Variants in DCC observed in about 807,000 individuals in gnomAD.
DCC encodes DCC netrin 1 receptor.
In DCC, 58 loss-of-function variants were observed where a neutral mutation model predicts 172.5. The observed-to-expected ratio is 0.34, with a 90% CI of 0.27 to 0.42. The LOEUF is 0.42. Ranked by LOEUF, DCC falls within the 10% of genes least tolerant of loss-of-function variation. The probability of loss-of-function intolerance (pLI) is 1.00; values close to 1 mark genes in which losing one functional copy is unlikely to be tolerated. For synonymous variants in DCC, 709 were observed against 644.5 expected (o/e 1.10, Z -1.52); for missense variants, 1,740 against 1,791.0 (o/e 0.97, Z 0.51).
chr18:53,462,940 C>T (rs1298623753), intron 24 of DCC, among the ~76,000 whole-genome samples: 2 of 152,262 alleles, frequency 1.3e-5, no homozygotes, highest in African/African-American at 2.4e-5. Context: ...ACCACTGGCC[C>T]TCTCTCAACC....
intron 5 of DCC, among the ~76,000 whole-genome samples, chr18:53,024,499 C>A (rs1381760460): frequency 6.6e-6 from 1 of 152,116 alleles, no homozygotes; most frequent in Admixed American, 6.6e-5. Context: ...CTGAGGGAAA[C>A]TTCCCATGAG....
chr18:52,970,898 G>A (rs539502704), intron 5 of DCC, among the ~76,000 whole-genome samples: 13 of 152,258 alleles, frequency 8.5e-5, no homozygotes, highest in South Asian at 4.1e-4. Context: ...AGGGCATTTC[G>A]TCTAAGCAGC....
rs60407383 is a variant in DCC, at chr18:52,478,916, C to T, written c.91+138038C>T. On this transcript the variant is annotated intron_variant, in intron 1 of 28. Coordinates refer to ENST00000442544, the MANE Select transcript of DCC (RefSeq NM_005215.4). ...TTTGTGAGGGGACACAGATCCAAAC[C>T]GTATCAGGCACTGTGCTAGATGACA... 5.6e-4 allele frequency among the ~76,000 whole-genome samples: 86 copies of T among 152,232 alleles called. No individual in the cohort carries two copies. The East Asian group carries it at 0.014, about 25-fold the overall frequency.
chr18:53,156,380 A>G (rs1018770373), intron 7 of DCC, among the ~76,000 whole-genome samples: 1 of 151,942 alleles, frequency 6.6e-6, no homozygotes, highest in East Asian at 1.9e-4. Flanking sequence ...GCTACTCGGG[A>G]GCCTGAGGCA....
intron 5 of DCC, among the ~76,000 whole-genome samples, chr18:52,931,459 T>A (rs1437407983): frequency 9.9e-5 from 15 of 152,136 alleles, no homozygotes; most frequent in Admixed American, 9.8e-4. Context: ...TGCAGTCCTT[T>A]CTTGTACTTA....
At chr18:53,125,450 C>G (rs1434720760) in intron 7 of DCC, among the ~76,000 whole-genome samples, 1 of 152,042 alleles carries the variant, frequency 6.6e-6, no homozygotes, top group African/African-American at 2.4e-5. Flanking sequence ...GCATGGTGCT[C>G]TCTCACCACA....
At chr18:52,822,983 G>T (rs939888869) in intron 2 of DCC, among the ~76,000 whole-genome samples, 14 of 152,150 alleles carry the variant, frequency 9.2e-5, no homozygotes, top group African/African-American at 3.1e-4. Context: ...TAAATAGCTA[G>T]AATTTATAAT....
At chr18:52,661,596 G>A (rs1005059885) in intron 1 of DCC, among the ~76,000 whole-genome samples, 2 of 152,226 alleles carry the variant, frequency 1.3e-5, no homozygotes, top group African/African-American at 4.8e-5. Context: ...GGCCCAATAG[G>A]TGCTGACCTT....
chr18:53,025,850 A>C (rs1232488223), intron 5 of DCC, among the ~76,000 whole-genome samples: 1 of 150,284 alleles, frequency 6.7e-6, no homozygotes, highest in African/African-American at 2.4e-5. Context: ...TCCATATCTG[A>C]GGGTATTAAA....
At chr18:52,669,724 T>C (rs997449867) in intron 1 of DCC, among the ~76,000 whole-genome samples, 1 of 152,214 alleles carries the variant, frequency 6.6e-6, no homozygotes, top group Non-Finnish European at 1.5e-5. Flanking sequence ...TTCTTGATGC[T>C]GTACATTCAG....
intron 2 of DCC, among the ~76,000 whole-genome samples, chr18:52,817,264 T>A (rs1285895668): frequency 6.6e-6 from 1 of 152,114 alleles, no homozygotes; most frequent in African/African-American, 2.4e-5. Flanking sequence ...CTTGATTTGT[T>A]TTCTATGAAT....
intron 1 of DCC, among the ~76,000 whole-genome samples, chr18:52,386,601 G>A (rs1985809413): frequency 1.3e-5 from 2 of 151,942 alleles, no homozygotes; most frequent in African/African-American, 4.8e-5. Flanking sequence ...TAAACCCCAA[G>A]GTGTATACAT....
chr18:52,657,248 T>C (rs1334910228), intron 1 of DCC, among the ~76,000 whole-genome samples: 1 of 152,216 alleles, frequency 6.6e-6, no homozygotes, highest in Non-Finnish European at 1.5e-5. Flanking sequence ...TTTCTCAGTC[T>C]GCACGAATGC....
intron 1 of DCC, among the ~76,000 whole-genome samples, chr18:52,549,149 C>G (rs905524282): frequency 6.6e-6 from 1 of 151,824 alleles, no homozygotes; most frequent in Non-Finnish European, 1.5e-5. Flanking sequence ...GGAATTTGAT[C>G]TAGTATTTGA....
In DCC at chr18:53,205,095, T is replaced by C. The variant is rs1440171179; in HGVS notation, c.1574-121T>C. 5.2e-6 allele frequency: 4 copies of C among 764,860 alleles called. No individual in the cohort carries two copies. In the East Asian group the frequency reaches 1.0e-4, roughly 20 times the overall value. 47.4% of individuals were successfully genotyped at this position (764,860 alleles called of 1,614,324 possible). A position where few individuals can be genotyped will look rare whatever the true frequency, so the allele number is the denominator to read the frequency against. On this transcript the variant is annotated intron_variant, in intron 9 of 28. Transcript: ENST00000442544. ...TTTTTATATTCTTATTCCATATTAT[T>C]CTAAAATACATACTCCTAGAATTTT... is the stretch of plus-strand genomic sequence containing the variant.
intron 2 of DCC, among the ~76,000 whole-genome samples, chr18:52,775,364 C>T (rs759813661): frequency 6.6e-6 from 1 of 152,132 alleles, no homozygotes; most frequent in East Asian, 1.9e-4. Flanking sequence ...TGCTGTCTAC[C>T]GGAGGCTTGT....
chr18:53,512,490 G>A (rs1352722315), intron 27 of DCC, among the ~76,000 whole-genome samples: 1 of 149,136 alleles, frequency 6.7e-6, no homozygotes, highest in Admixed American at 6.7e-5. Context: ...AGAGAAGAAG[G>A]CTTCAGACGA....
At chr18:52,512,438 G>T (rs191824980) in intron 1 of DCC, among the ~76,000 whole-genome samples, 2 of 152,022 alleles carry the variant, frequency 1.3e-5, no homozygotes, top group East Asian at 3.9e-4. Context: ...TTAACTTCTC[G>T]CCCACTGAAG....
At chr18:53,007,691 C>A (rs1027772660) in intron 5 of DCC, among the ~76,000 whole-genome samples, 1 of 151,876 alleles carries the variant, frequency 6.6e-6, no homozygotes, top group African/African-American at 2.4e-5. Flanking sequence ...AATATGTGAA[C>A]CAACATTTGG....
Sources: gnomAD v4.1 joint callset for allele counts (sites outside exome capture counted in the v4.1 genomes callset) on GRCh38, gnomAD v4.1.1 for gene constraint, MANE v1.5 for transcripts, NCBI Gene and HGNC (gene_info 2026-07-23, HGNC 2026-07-21) for gene names.